Variants in CSMD3 observed in about 807,000 individuals in gnomAD.
CSMD3 encodes the protein CUB and sushi domain-containing protein 3.
A neutral mutation model predicts 435.2 loss-of-function variants in CSMD3; 177 were observed. The observed-to-expected ratio is 0.41, with a 90% CI of 0.36 to 0.46. The LOEUF is 0.46. Among genes scored for constraint, CSMD3 ranks in the 20% least tolerant of loss-of-function variants. CSMD3 has a pLI of 0.34. For synonymous variants in CSMD3, 1,656 were observed against 1,520.5 expected, an observed-to-expected ratio of 1.09 and a Z score of -2.07; for missense variants, 4,265 against 4,504.6, an observed-to-expected ratio of 0.95 and a Z score of 1.52.
chr8:112,980,623 T>C (rs943504161), intron 6 of CSMD3, among the ~76,000 whole-genome samples: 2 of 151,330 alleles, frequency 1.3e-5, no homozygotes, highest in Admixed American at 1.3e-4. Flanking sequence ...TGTTTGTTAT[T>C]TTTTTCTTCT....
chr8:112,264,724 A>C (rs555019137), intron 60 of CSMD3, among the ~76,000 whole-genome samples: 1 of 152,272 alleles, frequency 6.6e-6, no homozygotes, highest in South Asian at 2.1e-4. Flanking sequence ...AAGATATTAA[A>C]CTATTAATTC....
At chr8:112,475,096 G>A (rs1375361920) in intron 31 of CSMD3, among the ~76,000 whole-genome samples, 1 of 152,052 alleles carries the variant, frequency 6.6e-6, no homozygotes, top group Non-Finnish European at 1.5e-5. Flanking sequence ...TGATTTTAAG[G>A]TGCTCCAGAA....
chr8:112,864,568 A>G (rs988254943), intron 10 of CSMD3, among the ~76,000 whole-genome samples: 2 of 152,074 alleles, frequency 1.3e-5, no homozygotes, highest in Admixed American at 6.6e-5. Flanking sequence ...TTTCTTTTAT[A>G]ACAAAAATAG....
intron 4 of CSMD3, among the ~76,000 whole-genome samples, chr8:113,117,182 G>A (rs2090855389): frequency 6.6e-6 from 1 of 152,196 alleles, no homozygotes; most frequent in South Asian, 2.1e-4. Context: ...CAAGCCTGGA[G>A]GGCTAATAGG....
rs1459542516 is a variant in CSMD3, at chr8:112,728,040, T to C, written c.1973-37990A>G. Among the ~76,000 whole-genome samples, 4 of 151,994 alleles carry C rather than the reference T, an allele frequency of 2.6e-5. No homozygotes were observed. In the East Asian group the frequency reaches 5.8e-4, roughly 22 times the overall value. On this transcript the variant is annotated intron_variant, in intron 13 of 70. Coordinates refer to ENST00000297405, the MANE Select transcript of CSMD3 (RefSeq NM_198123.2). Reference sequence around the variant, plus strand: ...TCCTTTTCCAACAGGCATTTTCTTGTTGTTTATCATAAAAGACAAAAGGCA... The same window carrying C: ...TCCTTTTCCAACAGGCATTTTCTTGCTGTTTATCATAAAAGACAAAAGGCA...
chr8:112,843,381 T>A (rs2132540806), intron 11 of CSMD3, among the ~76,000 whole-genome samples: 1 of 151,998 alleles, frequency 6.6e-6, no homozygotes, highest in South Asian at 2.1e-4. Context: ...GCTGTCCAAT[T>A]TCCTTGTTAC....
At chr8:112,305,345 C>A (rs186547882) in intron 51 of CSMD3, among the ~76,000 whole-genome samples, 3 of 151,860 alleles carry the variant, frequency 2.0e-5, no homozygotes, top group Non-Finnish European at 4.4e-5. Flanking sequence ...GCTGAGAGTG[C>A]GAACAACTTA....
chr8:113,418,449 G>T (rs148762113), intron 1 of CSMD3, among the ~76,000 whole-genome samples: 1 of 152,108 alleles, frequency 6.6e-6, no homozygotes, highest in Non-Finnish European at 1.5e-5. Flanking sequence ...GTTGGAGTGG[G>T]TAGTAAGAGT....
At chr8:112,843,476 A>G (rs2132541302) in intron 11 of CSMD3, among the ~76,000 whole-genome samples, 1 of 152,056 alleles carries the variant, frequency 6.6e-6, no homozygotes, top group South Asian at 2.1e-4. Context: ...CTATATTACC[A>G]GACATGTCAA....
At position 112,328,878 on chromosome 8, in the gene CSMD3, G is replaced by A. The variant is rs180921986; in HGVS notation, c.7165+6451C>T. ...CCTTCCCAGTCATATGGAACTGTGC[G>A]TCAATTAAACTTCTTTCCTTTATAA... On this transcript the variant is annotated intron_variant, in intron 45 of 70. Coordinates refer to ENST00000297405, the MANE Select transcript of CSMD3 (RefSeq NM_198123.2). Among the ~76,000 whole-genome samples the A allele has an allele frequency of 9.4e-4, 143 of 152,210 alleles. No homozygotes were observed. In the Middle Eastern group the frequency reaches 0.017, roughly 18 times the overall value.
chr8:112,296,459 G>A (rs112183619), intron 53 of CSMD3, among the ~76,000 whole-genome samples: 3 of 152,048 alleles, frequency 2.0e-5, no homozygotes, highest in African/African-American at 7.2e-5. Context: ...GCTGAGGCAG[G>A]TTAATGGCGT....
chr8:112,985,811 C>A (rs1346999955), intron 6 of CSMD3, among the ~76,000 whole-genome samples: 1 of 152,104 alleles, frequency 6.6e-6, no homozygotes, highest in Non-Finnish European at 1.5e-5. Context: ...TCTACCATCA[C>A]CCCCAGATGG....
At chr8:113,073,278 A>AC (rs2089203176) in intron 5 of CSMD3, among the ~76,000 whole-genome samples, 1 of 151,846 alleles carries the variant, frequency 6.6e-6, no homozygotes, top group African/African-American at 2.4e-5. Context: ...GTAAGTCAAT[A>AC]CAGTGACTTT....
At chr8:112,273,346 T>G (rs1159175844) in intron 59 of CSMD3, among the ~76,000 whole-genome samples, 1 of 152,134 alleles carries the variant, frequency 6.6e-6, no homozygotes, top group Non-Finnish European at 1.5e-5. Flanking sequence ...ATTATTTCAA[T>G]CTCTTCAATG....
intron 10 of CSMD3, among the ~76,000 whole-genome samples, chr8:112,901,703 C>T (rs1044636305): frequency 1.3e-5 from 2 of 151,170 alleles, no homozygotes; most frequent in African/African-American, 4.8e-5. Flanking sequence ...TTTCTGATCC[C>T]CAGTGGAGAC....
chr8:113,050,828 T>C (rs1346142522), intron 5 of CSMD3, among the ~76,000 whole-genome samples: 1 of 152,046 alleles, frequency 6.6e-6, no homozygotes, highest in Non-Finnish European at 1.5e-5. Flanking sequence ...AAACCTCATA[T>C]ACAAATCAAA....
chr8:112,780,022 T>C (rs2078343447), intron 13 of CSMD3, among the ~76,000 whole-genome samples: 1 of 152,116 alleles, frequency 6.6e-6, no homozygotes, highest in Non-Finnish European at 1.5e-5. Flanking sequence ...CAATTAGATA[T>C]AATAAATAAT....
At chr8:112,779,094 CTT>C (rs1213768160) in intron 13 of CSMD3, among the ~76,000 whole-genome samples, 1 of 151,560 alleles carries the variant, frequency 6.6e-6, no homozygotes, top group Non-Finnish European at 1.5e-5. Context: ...TAAGATGTGT[CTT>C]TGCAAAGATT....
chr8:113,100,453 C>T (rs2090296385), intron 4 of CSMD3, among the ~76,000 whole-genome samples: 1 of 152,082 alleles, frequency 6.6e-6, no homozygotes, highest in Admixed American at 6.6e-5. Flanking sequence ...ACATTGAATA[C>T]TGCTTTGATA....
Sources: allele counts gnomAD v4.1 joint callset (sites outside exome capture counted in the v4.1 genomes callset), GRCh38; gene constraint gnomAD v4.1.1; transcripts MANE v1.5; gene names NCBI Gene and HGNC (gene_info 2026-07-23, HGNC 2026-07-21).